The following AAK1 variants were observed in gnomAD, a reference collection of about 807,000 sequenced individuals.
AAK1 encodes AP2 associated kinase 1.
Under a neutral mutation model 116.0 loss-of-function variants are expected in AAK1, and 37 were observed. That is an observed-to-expected ratio of 0.32 (90% CI 0.25 to 0.42). AAK1 has a LOEUF of 0.42. Among genes scored for constraint, AAK1 ranks in the 10% least tolerant of loss-of-function variants. The pLI is 1.00. For synonymous variants in AAK1, 458 were observed against 439.9 expected (o/e 1.04, Z -0.51); for missense variants, 919 against 1,170.6 (o/e 0.79, Z 3.14).
In AAK1 at chr2:69,509,240, T is replaced by A; in HGVS notation, c.1997A>T (p.Asn666Ile). The A allele has an allele frequency of 6.2e-7, 1 of 1,613,998 alleles. No homozygotes were observed. Among genetic ancestry groups the A allele is most frequent in the Non-Finnish European group, 8.5e-7 (1 of 1,179,872 alleles). ...LQAAAAEASL[N>I]KSKSATTTPS... ...AGGAAGCACCACATACTTGGACTTATTGAGACTGGCCTCAGCTGCAGCTGC... is the reference window on the plus strand; with the variant it reads ...AGGAAGCACCACATACTTGGACTTAATGAGACTGGCCTCAGCTGCAGCTGC... Residue 666 changes from asparagine to isoleucine, a missense_variant, in exon 14 of 22, where the codon AAT (asparagine) becomes ATT (isoleucine). This residue lies in a region of AAK1 where 125 missense variants were observed against 184.1 expected (regional missense o/e 0.68). Coordinates refer to ENST00000409085, the MANE Select transcript of AAK1 (RefSeq NM_014911.5).
intron 16 of AAK1, among the ~76,000 whole-genome samples, chr2:69,503,126 A>C (rs969825700): frequency 1.3e-5 from 2 of 152,256 alleles, no homozygotes; most frequent in African/African-American, 4.8e-5. Context: ...ACATAACCTG[A>C]GTAACTTTTG....
intron 2 of AAK1, among the ~76,000 whole-genome samples, chr2:69,572,432 A>G (rs1672124855): frequency 6.6e-6 from 1 of 152,066 alleles, no homozygotes; most frequent in African/African-American, 2.4e-5. Flanking sequence ...AGCCTGGCCA[A>G]CATGGAGAAA....
intron 2 of AAK1, among the ~76,000 whole-genome samples, chr2:69,599,157 A>G (rs909186096): frequency 1.3e-5 from 2 of 152,238 alleles, no homozygotes; most frequent in African/African-American, 4.8e-5. Context: ...GATATTCAAA[A>G]GAATTAAATA....
chr2:69,572,733 G>A (rs551911497), intron 2 of AAK1, among the ~76,000 whole-genome samples: 2 of 152,008 alleles, frequency 1.3e-5, no homozygotes, highest in Non-Finnish European at 2.9e-5. Flanking sequence ...AGTCCTGGCT[G>A]TGTGAAAATG....
intron 17 of AAK1, among the ~76,000 whole-genome samples, chr2:69,486,070 G>T (rs919680054): frequency 6.6e-6 from 1 of 151,894 alleles, no homozygotes; most frequent in South Asian, 2.1e-4. Context: ...TCCTTCAGCC[G>T]CAGCCTTCTG....
chr2:69,481,054 T>C (rs1675071090), intron 18 of AAK1, 93 bp from the exon 19 acceptor site: 3 of 1,110,796 alleles, frequency 2.7e-6, no homozygotes, highest in Non-Finnish European at 3.8e-6. Context: ...TTCTTTTTTT[T>C]TAATTCTCAT....
intron 2 of AAK1, among the ~76,000 whole-genome samples, chr2:69,631,671 T>C (rs1035430570): frequency 2.6e-5 from 4 of 152,222 alleles, no homozygotes; most frequent in Admixed American, 2.6e-4. Flanking sequence ...TAACAATTAC[T>C]TGTGACTCAA....
At chr2:69,491,796 G>C (rs908456515) in intron 17 of AAK1, among the ~76,000 whole-genome samples, 1 of 152,098 alleles carries the variant, frequency 6.6e-6, no homozygotes, top group Non-Finnish European at 1.5e-5. Flanking sequence ...TTTTAGTATT[G>C]CCAATTTTAA....
Position 69,485,911 on chromosome 2 carries a change from G to A in AAK1, c.2366-3099C>T, listed in dbSNP as rs150574511. On this transcript the variant is annotated intron_variant, in intron 17 of 21. Transcript: ENST00000409085. ...TGACCTCAGGTGATCCACCCACCTT[G>A]GCCTCCCAAAGTGCTGGGATTACAG... Among the ~76,000 whole-genome samples the A allele has an allele frequency of 7.6e-3, 1,146 of 151,642 alleles. 10 individuals are homozygous for A. The highest frequency in any genetic ancestry group is 0.026 in the African/African-American group (1,091 of 41,342).
chr2:69,642,675 G>T (rs947595407), intron 2 of AAK1, among the ~76,000 whole-genome samples: 1 of 151,888 alleles, frequency 6.6e-6, no homozygotes, highest in Non-Finnish European at 1.5e-5. Flanking sequence ...AAACAATTTC[G>T]GCAACCTCCC....
chr2:69,560,211 T>A (rs1216212212), intron 2 of AAK1, among the ~76,000 whole-genome samples: 1 of 152,154 alleles, frequency 6.6e-6, no homozygotes, highest in Non-Finnish European at 1.5e-5. Context: ...GTTGGCCAAA[T>A]GGAGATGTAA....
At chr2:69,524,713 G>T (rs113130434) in intron 10 of AAK1, among the ~76,000 whole-genome samples, 3,144 of 152,256 alleles carry the variant, frequency 0.021, 101 homozygotes, top group African/African-American at 0.072. Flanking sequence ...GATTATAGAC[G>T]TGAAACACCA....
intron 2 of AAK1, among the ~76,000 whole-genome samples, chr2:69,611,393 G>A (rs758659106): frequency 3.6e-4 from 55 of 152,240 alleles, no homozygotes; most frequent in Non-Finnish European, 5.1e-4. Context: ...TTGGGCCTTC[G>A]GCCTCAGACT....
chr2:69,590,600 G>C (rs747765314), intron 2 of AAK1, among the ~76,000 whole-genome samples: 5 of 152,242 alleles, frequency 3.3e-5, no homozygotes, highest in Non-Finnish European at 7.3e-5. Context: ...GCAACGCTAA[G>C]ATTCTGCATA....
At chr2:69,482,620 T>C (rs780264868) in intron 18 of AAK1, 91 bp downstream of exon 18, 7 of 1,026,784 alleles carry the variant, frequency 6.8e-6, no homozygotes, top group Non-Finnish European at 1.1e-5. Flanking sequence ...GGCAGGGCTA[T>C]TCCCCAGGGA....
chr2:69,512,985 G>T (rs1676448579), intron 13 of AAK1, among the ~76,000 whole-genome samples: 1 of 152,170 alleles, frequency 6.6e-6, no homozygotes, highest in Non-Finnish European at 1.5e-5. Flanking sequence ...CCACTTTCTA[G>T]TCTATGCCTC....
At chr2:69,634,899 T>G (rs1675380553) in intron 2 of AAK1, among the ~76,000 whole-genome samples, 1 of 152,248 alleles carries the variant, frequency 6.6e-6, no homozygotes, top group Admixed American at 6.5e-5. Context: ...ACCACTGCTC[T>G]AGACTACAAT....
rs1407670083 is a variant in AAK1, at chr2:69,472,351, T to C, written c.*3518A>G. 4.4e-6 allele frequency: 1 copy of C among 229,762 alleles called. No homozygotes were observed. The highest frequency in any genetic ancestry group is 7.2e-6 in the Non-Finnish European group (1 of 139,134). The allele number at this position is 229,762 out of a possible 1,614,324, so 14.2% of individuals were successfully genotyped here. ...ACTTCCAGGTGCTTTCTCAAAGTGA[T>C]ACTAATTAAATAATATAGCTGATTT... On this transcript the variant is annotated 3_prime_UTR_variant, in exon 22 of 22. Transcript: ENST00000409085.
rs572204467 is a variant in AAK1 at position 69,475,771 on chromosome 2, C to T, written c.*98G>A. ...AAAGGGCTGGAGGGCCCCTTATTTG[C>T]AGATTTTTTTAAAAAAATCATTTTT... is the stretch of plus-strand genomic sequence containing the variant. On this transcript the variant is annotated 3_prime_UTR_variant, in exon 22 of 22. Transcript: ENST00000409085. The T allele has an allele frequency of 4.0e-6, 6 of 1,494,618 alleles. No individual in the cohort carries two copies. Among genetic ancestry groups the T allele is most frequent in the Non-Finnish European group, 5.4e-6 (6 of 1,113,288 alleles). The allele number at this position is 1,494,618 out of a possible 1,614,324, so 92.6% of individuals were successfully genotyped here.
Sources: gnomAD v4.1 joint callset for allele counts (sites outside exome capture counted in the v4.1 genomes callset) on GRCh38, gnomAD v4.1.1 for gene constraint, gnomAD v4.1.1 regional missense constraint, MANE v1.5 for transcripts, NCBI Gene and HGNC (gene_info 2026-07-23, HGNC 2026-07-21) for gene names.